The following CABP1 variants were observed in gnomAD, a reference collection of about 807,000 sequenced individuals.
CABP1 encodes calcium-binding protein 1.
In CABP1, 17 loss-of-function variants were observed where a neutral mutation model predicts 34.3. That is an observed-to-expected ratio of 0.50 (90% confidence interval 0.34 to 0.74). The LOEUF (loss-of-function observed/expected upper bound fraction) is 0.74. Ranked by LOEUF, CABP1 falls within the 30% of genes least tolerant of loss-of-function variation. The probability of loss-of-function intolerance (pLI) is 0.01; values close to 1 mark genes in which losing one functional copy is unlikely to be tolerated. For missense variants in CABP1, 373 were observed against 511.1 expected (o/e 0.73, Z 2.61); for synonymous variants, 198 against 229.2 (o/e 0.86, Z 1.23).
intron 1 of CABP1, among the ~76,000 whole-genome samples, chr12:120,656,634 G>A (rs112691245): frequency 0.018 from 2,731 of 152,206 alleles, 35 homozygotes; most frequent in South Asian, 0.045. Flanking sequence ...AGCGGCTCAC[G>A]CCTGTAATCC....
At chr12:120,645,663 T>A (rs572974010) in intron 1 of CABP1, among the ~76,000 whole-genome samples, 6 of 152,046 alleles carry the variant, frequency 3.9e-5, no homozygotes, top group Admixed American at 6.6e-5. Flanking sequence ...GACCCATCTC[T>A]ACTAAAAATA....
chr12:120,640,884 T>G lies in CABP1; in HGVS notation c.199T>G (p.Ser67Ala), dbSNP rs1333622795. The change falls in exon 1 of 6, where the codon TCC becomes GCC. Residue 67 changes from serine to alanine, a missense_variant. Physicochemically the swap from Ser to Ala is moderately conservative, Grantham distance 99 (BLOSUM62 1). Transcript: ENST00000316803. The surrounding 1 kb of genome is among the most constrained non-coding windows in gnomAD (Gnocchi z 6.2). The stretch of plus-strand genomic sequence containing the variant: ...GAGCTCGCACATCGCCAAAAGCGAG[T>G]CCAAGACGTCGCTGCTGAAGGCGGC... Reference protein sequence around the residue: ...AMSSHIAKSESKTSLLKAAAA... With the variant: ...AMSSHIAKSEAKTSLLKAAAA... 1 of 1,088,680 alleles carries G rather than the reference T, an allele frequency of 9.2e-7. No homozygotes were observed. Among genetic ancestry groups the G allele is most frequent in the East Asian group, 5.8e-5 (1 of 17,272 alleles). The allele number at this position is 1,088,680 out of a possible 1,614,324, so 67.4% of individuals were successfully genotyped here. A position where few individuals can be genotyped will look rare whatever the true frequency, so the allele number is the denominator to read the frequency against.
At chr12:120,645,193 G>A (rs1256199978) in intron 1 of CABP1, among the ~76,000 whole-genome samples, 4 of 152,168 alleles carry the variant, frequency 2.6e-5, no homozygotes, top group Non-Finnish European at 5.9e-5. Flanking sequence ...AGATAGGGCT[G>A]TGTCTATTCC....
intron 1 of CABP1, among the ~76,000 whole-genome samples, chr12:120,647,520 A>G (rs1165976094): frequency 7.2e-6 from 1 of 138,044 alleles, no homozygotes; most frequent in Non-Finnish European, 1.5e-5. Flanking sequence ...GGCCCAGGAT[A>G]TGATTTGAAT....
chr12:120,659,942 T>C, intron 2 of CABP1, 34 bp downstream of exon 2: 1 of 1,606,538 alleles, frequency 6.2e-7, no homozygotes, highest in South Asian at 1.1e-5. Context: ...AAGGACTGCC[T>C]AGCCCTCTAG....
At chr12:120,650,939 G>A (rs1386075988) in intron 1 of CABP1, among the ~76,000 whole-genome samples, 2 of 152,180 alleles carry the variant, frequency 1.3e-5, no homozygotes, top group Admixed American at 6.5e-5. Flanking sequence ...TGTAGCTTTG[G>A]GGTTTCTAGG....
At chr12:120,651,764 C>T (rs1879861711) in intron 1 of CABP1, among the ~76,000 whole-genome samples, 1 of 152,184 alleles carries the variant, frequency 6.6e-6, no homozygotes, top group Non-Finnish European at 1.5e-5. Context: ...ACATCAAATT[C>T]CTTCTAATCT....
At chr12:120,643,838 G>A (rs1169328002) in intron 1 of CABP1, among the ~76,000 whole-genome samples, 3 of 152,228 alleles carry the variant, frequency 2.0e-5, no homozygotes, top group African/African-American at 2.4e-5. Context: ...CGGAGCCCTT[G>A]CTAACTCTAT....
intron 1 of CABP1, among the ~76,000 whole-genome samples, chr12:120,647,784 G>T (rs7968602): frequency 2.1e-5 from 3 of 141,428 alleles, no homozygotes; most frequent in African/African-American, 8.0e-5. Context: ...GTTTCACCAC[G>T]TTGGCCAGGC....
rs894439700 is a variant in CABP1 at position 120,641,532 on chromosome 12, C to T, written c.654+193C>T. On this transcript the variant is annotated intron_variant, in intron 1 of 5. Coordinates refer to ENST00000316803, the MANE Select transcript of CABP1 (RefSeq NM_001033677.2). The surrounding 1 kb of genome is among the most constrained non-coding windows in gnomAD (Gnocchi z 6.7). ...CGTGCCTGATTCAGCACCCCGTGCGCTGTCCACGCTCCGGGCCTCTTGGGG... is the reference window on the plus strand; with the variant it reads ...CGTGCCTGATTCAGCACCCCGTGCGTTGTCCACGCTCCGGGCCTCTTGGGG... 3.9e-6 allele frequency: 2 copies of T among 511,996 alleles called. No homozygotes were observed. Among genetic ancestry groups the T allele is most frequent in the East Asian group, 3.6e-5 (1 of 28,050 alleles). The allele number at this position is 511,996 out of a possible 1,614,324, so 31.7% of individuals were successfully genotyped here.
chr12:120,640,698 G>T lies in CABP1; in HGVS notation c.13G>T (p.Asp5Tyr), dbSNP rs2137322021. 8.5e-7 allele frequency: 1 copy of T among 1,179,184 alleles called. No individual in the cohort carries two copies. The highest frequency in any genetic ancestry group is 4.6e-5 in the Admixed American group (1 of 21,784). 73.0% of individuals were successfully genotyped at this position (1,179,184 alleles called of 1,614,324 possible). The change falls in exon 1 of 6, where the codon GAC becomes TAC. Residue 5 changes from aspartate to tyrosine, a missense_variant. Around this residue, in one of 4 missense-constraint regions of CABP1, gnomAD observed 134 missense variants for 145.4 expected, o/e 0.92. Coordinates refer to ENST00000316803, the MANE Select transcript of CABP1 (RefSeq NM_001033677.2). The surrounding 1 kb of genome is among the most constrained non-coding windows in gnomAD (Gnocchi z 6.2). Reference protein sequence around the residue: MGGGDGAAFKRPGDG... With the variant: MGGGYGAAFKRPGDG... ...GCTGCGCTGTCACATGGGCGGCGGC[G>T]ACGGGGCCGCATTTAAGCGGCCGGG...
At chr12:120,649,398 G>A (rs1322722890) in intron 1 of CABP1, among the ~76,000 whole-genome samples, 1 of 152,206 alleles carries the variant, frequency 6.6e-6, no homozygotes, top group Non-Finnish European at 1.5e-5. Flanking sequence ...CTGGGTGCAG[G>A]AAACAGGGAC....
rs1464309618 is a variant in CABP1, at chr12:120,641,561, G to GGCCCT, written c.654+223_654+227dup. The stretch of plus-strand genomic sequence containing the variant: ...CCACGCTCCGGGCCTCTTGGGGCAA[G>GGCCCT]GCCCTCCCCGCTAGCCTCCCTCATA... On this transcript the variant is annotated intron_variant, in intron 1 of 5. Coordinates refer to ENST00000316803, the MANE Select transcript of CABP1 (RefSeq NM_001033677.2). This position sits in a 1 kb window ranked among gnomAD's most constrained non-coding sequence, Gnocchi z 6.7. 2 of 417,566 alleles carry GGCCCT rather than the reference G, an allele frequency of 4.8e-6. No individual in the cohort carries two copies. The highest frequency in any genetic ancestry group is 4.1e-5 in the African/African-American group (2 of 48,676). The allele number at this position is 417,566 out of a possible 1,614,324, so 25.9% of individuals were successfully genotyped here.
At chr12:120,652,540 G>T (rs114158719) in intron 1 of CABP1, among the ~76,000 whole-genome samples, 1,613 of 152,296 alleles carry the variant, frequency 0.011, 34 homozygotes, top group African/African-American at 0.037. Flanking sequence ...CCTGGTCTGT[G>T]TAAAATCAGA....
At chr12:120,676,729 C>T in the CABP1 span, among the ~76,000 whole-genome samples, 1 of 152,034 alleles carries the variant, frequency 6.6e-6, no homozygotes. Flanking sequence ...ACCCGGTCAG[C>T]TTTATTTATT....
intron 1 of CABP1, among the ~76,000 whole-genome samples, chr12:120,647,384 GATT>G (rs1321675588): frequency 1.7e-4 from 18 of 105,950 alleles, no homozygotes; most frequent in East Asian, 2.9e-4. Flanking sequence ...CAGCAGACAA[GATT>G]TTTTTTTTTT....
intron 1 of CABP1, among the ~76,000 whole-genome samples, chr12:120,644,701 T>C (rs1038346194): frequency 6.6e-6 from 1 of 152,236 alleles, no homozygotes; most frequent in African/African-American, 2.4e-5. Flanking sequence ...CCTGTTCCCA[T>C]ACTGCTTTGC....
chr12:120,672,601 CAAAA>C, the CABP1 span, among the ~76,000 whole-genome samples: 7 of 99,268 alleles, frequency 7.1e-5, no homozygotes, highest in Admixed American at 1.0e-4. Flanking sequence ...CATTGCACTC[CAAAA>C]AAAAAAAAAA....
chr12:120,679,073 C>CAAAAAAAAAA, the CABP1 span, among the ~76,000 whole-genome samples: 2 of 87,098 alleles, frequency 2.3e-5, 1 homozygote, highest in African/African-American at 8.4e-5. Context: ...ACACCATCTC[C>CAAAAAAAAAA]AAAAAAAAAA....
Sources: allele counts gnomAD v4.1 joint callset (sites outside exome capture counted in the v4.1 genomes callset), GRCh38; gene constraint gnomAD v4.1.1; regional missense constraint gnomAD v4.1.1; non-coding constraint Gnocchi (gnomAD v3.1); transcripts MANE v1.5; gene names NCBI Gene and HGNC (gene_info 2026-07-23, HGNC 2026-07-21).